Variants in DNM3 observed in about 807,000 individuals in gnomAD.
DNM3 encodes dynamin 3.
DNM3 carries 47 observed loss-of-function variants against 101.6 expected under a neutral mutation model. That is an observed-to-expected ratio of 0.46 (90% CI 0.37 to 0.59). The LOEUF is 0.59. Among genes scored for constraint, DNM3 ranks in the 20% least tolerant of loss-of-function variants. The probability of loss-of-function intolerance (pLI) is 0.00; values close to 1 mark genes in which losing one functional copy is unlikely to be tolerated. For synonymous variants in DNM3, 385 were observed against 387.9 expected, an observed-to-expected ratio of 0.99 and a Z score of 0.09; for missense variants, 849 against 1,085.7, an observed-to-expected ratio of 0.78 and a Z score of 3.06.
intron 14 of DNM3, among the ~76,000 whole-genome samples, chr1:172,149,863 G>A (rs796609384): frequency 5.3e-4 from 81 of 152,128 alleles, no homozygotes; most frequent in African/African-American, 1.9e-3. Flanking sequence ...CCTTTCTGTG[G>A]ATGGGGATAC....
At chr1:171,973,032 G>C (rs1032014503) in intron 2 of DNM3, among the ~76,000 whole-genome samples, 1 of 151,996 alleles carries the variant, frequency 6.6e-6, no homozygotes, top group Non-Finnish European at 1.5e-5. Flanking sequence ...GATGCTTAAA[G>C]TAGTCATAAC....
chr1:171,899,056 G>A (rs1464040702), intron 1 of DNM3, among the ~76,000 whole-genome samples: 3 of 152,202 alleles, frequency 2.0e-5, no homozygotes, highest in Non-Finnish European at 4.4e-5. Flanking sequence ...CCCTCCGGAC[G>A]CTTGCCTAGC....
intron 16 of DNM3, among the ~76,000 whole-genome samples, chr1:172,322,542 CCCTGCCG>C (rs2148912272): frequency 6.6e-6 from 1 of 152,280 alleles, no homozygotes; most frequent in South Asian, 2.1e-4. Context: ...GAGCCATTTG[CCCTGCCG>C]CCTGCTGCTG....
At chr1:172,210,804 A>G (rs1430443745) in intron 14 of DNM3, among the ~76,000 whole-genome samples, 3 of 152,248 alleles carry the variant, frequency 2.0e-5, no homozygotes, top group East Asian at 1.9e-4. Context: ...TTCAACATAC[A>G]TCAGCATGTC....
At chr1:171,965,070 TC>T (rs2043475515) in intron 2 of DNM3, among the ~76,000 whole-genome samples, 1 of 152,120 alleles carries the variant, frequency 6.6e-6, no homozygotes. Flanking sequence ...CACAAGACTG[TC>T]CCGAGTTCAA....
chr1:172,242,360 G>GA (rs1425681828), intron 14 of DNM3, among the ~76,000 whole-genome samples: 2 of 152,056 alleles, frequency 1.3e-5, no homozygotes, highest in Non-Finnish European at 2.9e-5. Context: ...ATTTCTCTAG[G>GA]AAAAAAGCCT....
chr1:172,175,788 C>T (rs1309179825), intron 14 of DNM3, among the ~76,000 whole-genome samples: 1 of 151,760 alleles, frequency 6.6e-6, no homozygotes, highest in Non-Finnish European at 1.5e-5. Flanking sequence ...TTTTACTATA[C>T]TTGCTTTATC....
chr1:171,890,878 A>G (rs752401123), intron 1 of DNM3, among the ~76,000 whole-genome samples: 19 of 152,278 alleles, frequency 1.2e-4, no homozygotes, highest in Admixed American at 7.2e-4. Context: ...AATACTGGAC[A>G]TGGTTTCTTG....
chr1:172,152,975 A>C (rs574518770), intron 14 of DNM3, among the ~76,000 whole-genome samples: 2 of 152,284 alleles, frequency 1.3e-5, no homozygotes, highest in Non-Finnish European at 2.9e-5. Context: ...CAGAGCAGAA[A>C]CTGTTTGGTG....
intron 12 of DNM3, among the ~76,000 whole-genome samples, chr1:172,091,707 T>A (rs1464373449): frequency 6.6e-6 from 1 of 152,128 alleles, no homozygotes; most frequent in Non-Finnish European, 1.5e-5. Context: ...GACTTTGGTT[T>A]TTACCATTAA....
rs2040296601 is a variant in DNM3 at position 171,922,976 on chromosome 1, C to T, written c.235+1155C>T. Among the ~76,000 whole-genome samples the T allele has an allele frequency of 1.3e-5, 2 of 152,046 alleles. 1 individual carries two copies. The highest frequency in any genetic ancestry group is 4.1e-4 in the South Asian group (2 of 4,822). ...TGAGGAGCATTTGAGTTGTTTCCAC[C>T]CTTTGGTTATTATGAATGATGTTGC... On this transcript the variant is annotated intron_variant, in intron 2 of 20. Transcript: ENST00000627582.
intron 17 of DNM3, among the ~76,000 whole-genome samples, chr1:172,345,982 G>C (rs936227624): frequency 5.9e-5 from 9 of 151,972 alleles, no homozygotes; most frequent in Non-Finnish European, 1.3e-4. Flanking sequence ...TTAGCCGGGC[G>C]TGCTTGTGGG....
intron 2 of DNM3, among the ~76,000 whole-genome samples, chr1:171,981,299 A>T (rs1255796074): frequency 6.6e-6 from 1 of 152,232 alleles, no homozygotes; most frequent in Admixed American, 6.5e-5. Flanking sequence ...CATTTCAGAA[A>T]TAAGAAAACT....
intron 2 of DNM3, among the ~76,000 whole-genome samples, chr1:171,977,241 T>G (rs1039888792): frequency 1.3e-5 from 2 of 152,244 alleles, no homozygotes; most frequent in African/African-American, 4.8e-5. Flanking sequence ...AAGTCTTTGA[T>G]GTAAATCTCA....
At chr1:172,301,251 C>CA (rs1256940229) in intron 15 of DNM3, among the ~76,000 whole-genome samples, 1 of 152,138 alleles carries the variant, frequency 6.6e-6, no homozygotes, top group Non-Finnish European at 1.5e-5. Flanking sequence ...CCTGTAATTC[C>CA]AGCACTTTAG....
intron 17 of DNM3, among the ~76,000 whole-genome samples, chr1:172,330,710 A>G (rs1257757073): frequency 6.6e-6 from 1 of 152,180 alleles, no homozygotes; most frequent in Non-Finnish European, 1.5e-5. Flanking sequence ...ATGAAGAGGA[A>G]GATACTTAAA....
chr1:172,235,104 G>T (rs2061488119), intron 14 of DNM3, among the ~76,000 whole-genome samples: 1 of 152,108 alleles, frequency 6.6e-6, no homozygotes. Context: ...CTACTCATCT[G>T]ACAAAGGGCT....
chr1:172,049,547 A>G (rs2125865276), intron 10 of DNM3, among the ~76,000 whole-genome samples: 1 of 152,314 alleles, frequency 6.6e-6, no homozygotes, highest in Non-Finnish European at 1.5e-5. Context: ...ACTGAGGAAT[A>G]TGGAGAACAT....
rs546402595 is a variant in DNM3 at position 172,318,272 on chromosome 1, C to A, written c.1882-5057C>A. ...AGAGCTATCTATGACAAACCCACAG[C>A]CAATATCATACTGAATGGGCAAAAA... On this transcript the variant is annotated intron_variant, in intron 16 of 20. Transcript: ENST00000627582. Among the ~76,000 whole-genome samples, 67 of 152,102 alleles carry A rather than the reference C, an allele frequency of 4.4e-4. 2 individuals carry two copies. In the South Asian group the frequency reaches 0.013, roughly 30 times the overall value.
Sources: allele counts gnomAD v4.1 joint callset (sites outside exome capture counted in the v4.1 genomes callset), GRCh38; gene constraint gnomAD v4.1.1; transcripts MANE v1.5; gene names NCBI Gene and HGNC (gene_info 2026-07-23, HGNC 2026-07-21).